Variants in UST observed in about 807,000 individuals in gnomAD.
UST encodes uronyl 2-sulfotransferase, also known as chondroitin sulfate 2-O-sulfotransferase.
A neutral mutation model predicts 45.6 loss-of-function variants in UST; 21 were observed. The ratio of observed to expected loss-of-function variants is 0.46; its 90% confidence interval spans 0.33 to 0.66. UST has a LOEUF of 0.66. Among genes scored for constraint, UST ranks in the 30% least tolerant of loss-of-function variants. The pLI is 0.02. For synonymous variants in UST, 215 were observed against 200.6 expected (o/e 1.07, Z -0.61); for missense variants, 463 against 512.4 (o/e 0.90, Z 0.93).
chr6:148,846,917 G>C (rs1449562727), intron 1 of UST, among the ~76,000 whole-genome samples: 1 of 152,226 alleles, frequency 6.6e-6, no homozygotes, highest in Non-Finnish European at 1.5e-5. Context: ...GTGGCAGATT[G>C]GTGATCTCCA....
chr6:149,019,353 C>T, intron 6 of UST, 117 bp downstream of exon 6: 1 of 740,878 alleles, frequency 1.3e-6, no homozygotes, highest in South Asian at 1.6e-5. Flanking sequence ...TTCTGGAATT[C>T]AGTTCCTGTT....
intron 1 of UST, among the ~76,000 whole-genome samples, chr6:148,839,201 T>C (rs552518179): frequency 1.3e-5 from 2 of 152,312 alleles, no homozygotes; most frequent in South Asian, 2.1e-4. Context: ...CACTTAGTGC[T>C]AAGTGCCGTG....
At chr6:149,022,988 A>G (rs1298434335) in intron 7 of UST, among the ~76,000 whole-genome samples, 1 of 152,218 alleles carries the variant, frequency 6.6e-6, no homozygotes, top group Non-Finnish European at 1.5e-5. Flanking sequence ...TTTCTAGAAG[A>G]CAACATAAAC....
At chr6:148,811,100 G>A (rs151337788) in intron 1 of UST, among the ~76,000 whole-genome samples, 7 of 152,250 alleles carry the variant, frequency 4.6e-5, no homozygotes, top group Non-Finnish European at 1.0e-4. Context: ...AACCACCAAA[G>A]CCCACTGGCA....
chr6:148,883,500 T>G (rs1292920187), intron 1 of UST, among the ~76,000 whole-genome samples: 1 of 152,230 alleles, frequency 6.6e-6, no homozygotes, highest in Non-Finnish European at 1.5e-5. Flanking sequence ...GACTTCCTGT[T>G]TCCACTGAGG....
chr6:149,032,040 G>GC (rs1776151519), intron 7 of UST, among the ~76,000 whole-genome samples: 1 of 152,230 alleles, frequency 6.6e-6, no homozygotes, highest in Non-Finnish European at 1.5e-5. Flanking sequence ...GCCCCTGCCT[G>GC]CGGACCCAGC....
chr6:149,030,477 C>CAAA (rs60277138), intron 7 of UST, among the ~76,000 whole-genome samples: 3 of 147,846 alleles, frequency 2.0e-5, no homozygotes, highest in African/African-American at 5.0e-5. Flanking sequence ...CTGTTTCTAC[C>CAAA]AAAAAAAAAA....
chr6:148,823,896 T>C (rs529995968), intron 1 of UST, among the ~76,000 whole-genome samples: 9 of 152,196 alleles, frequency 5.9e-5, no homozygotes, highest in Non-Finnish European at 1.2e-4. Context: ...CCACTATTTG[T>C]CTGCAAGCAA....
At chr6:149,043,029 C>CTT (rs1491070887) in intron 7 of UST, among the ~76,000 whole-genome samples, 91 of 101,754 alleles carry the variant, frequency 8.9e-4, no homozygotes, top group South Asian at 1.2e-3. Context: ...CTTTTTCTTT[C>CTT]TTTCTTTCTT....
intron 1 of UST, among the ~76,000 whole-genome samples, chr6:148,758,528 A>G (rs779779682): frequency 6.6e-6 from 1 of 152,196 alleles, no homozygotes; most frequent in Non-Finnish European, 1.5e-5. Context: ...AATAATCACA[A>G]TGCCAGGCAT....
rs1347712267 is a variant in UST at position 149,021,555 on chromosome 6, A to G, written c.937+74A>G. 2.0e-6 allele frequency: 3 copies of G among 1,511,568 alleles called. No homozygotes were observed. In the Admixed American group the frequency reaches 5.7e-5, roughly 28 times the overall value. 93.6% of individuals were successfully genotyped at this position (1,511,568 alleles called of 1,614,324 possible). A position where few individuals can be genotyped will look rare whatever the true frequency, so the allele number is the denominator to read the frequency against. On this transcript the variant is annotated intron_variant, in intron 7 of 7. Coordinates refer to ENST00000367463, the MANE Select transcript of UST (RefSeq NM_005715.3). ...GGGCTACTCACCTTGAAAAGGCCTC[A>G]GGAAATAAAGGAGTGAAATGATCTC... is the stretch of plus-strand genomic sequence containing the variant.
chr6:149,034,428 A>G (rs1469575469), intron 7 of UST, among the ~76,000 whole-genome samples: 1 of 150,160 alleles, frequency 6.7e-6, no homozygotes, highest in African/African-American at 2.5e-5. Context: ...CTTTCCACCC[A>G]GAGCTCTTTA....
At chr6:148,936,112 G>A (rs1780021359) in intron 2 of UST, among the ~76,000 whole-genome samples, 1 of 152,158 alleles carries the variant, frequency 6.6e-6, no homozygotes, top group Non-Finnish European at 1.5e-5. Flanking sequence ...CTGGGCTTTC[G>A]TGGTTATGTG....
intron 1 of UST, among the ~76,000 whole-genome samples, chr6:148,827,655 A>G (rs1231610804): frequency 1.3e-5 from 2 of 150,820 alleles, no homozygotes; most frequent in Non-Finnish European, 3.0e-5. Context: ...TCCCGAAGAG[A>G]GGATTCAGTG....
intron 5 of UST, among the ~76,000 whole-genome samples, chr6:148,995,542 A>C (rs1248125735): frequency 6.6e-6 from 1 of 152,252 alleles, no homozygotes; most frequent in Non-Finnish European, 1.5e-5. Context: ...TCTTGCCAGA[A>C]ACATAGTACA....
chr6:148,966,614 T>C (rs1316729283), intron 5 of UST, among the ~76,000 whole-genome samples: 1 of 152,254 alleles, frequency 6.6e-6, no homozygotes, highest in Non-Finnish European at 1.5e-5. Flanking sequence ...TCTGTTGCCA[T>C]CCTGTAAATC....
At chr6:149,001,963 T>C (rs987161060) in intron 5 of UST, among the ~76,000 whole-genome samples, 2 of 152,130 alleles carry the variant, frequency 1.3e-5, no homozygotes, top group African/African-American at 2.4e-5. Context: ...TTTAATCAAG[T>C]TTGAATGTTA....
chr6:148,895,683 A>AG (rs1779114054), intron 2 of UST, among the ~76,000 whole-genome samples: 1 of 152,170 alleles, frequency 6.6e-6, no homozygotes, highest in Admixed American at 6.5e-5. Flanking sequence ...TGGTTTTATG[A>AG]GGGGAAACTG....
intron 5 of UST, 95 bp downstream of exon 5, chr6:148,964,658 C>G (rs1424367481): frequency 2.0e-6 from 3 of 1,507,558 alleles, no homozygotes; most frequent in African/African-American, 1.4e-5. Context: ...CAGGCCTTCT[C>G]CTTGGCGCCT....
Sources: gnomAD v4.1 joint callset for allele counts (sites outside exome capture counted in the v4.1 genomes callset) on GRCh38, gnomAD v4.1.1 for gene constraint, MANE v1.5 for transcripts, NCBI Gene and HGNC (gene_info 2026-07-23, HGNC 2026-07-21) for gene names.